The following OR2I1 variants were observed in gnomAD, a reference collection of about 807,000 sequenced individuals.
OR2I1 encodes the protein putative olfactory receptor 2I1.
chr6:29,555,587 A>G, the OR2I1 span: 1 of 415,234 alleles, frequency 2.4e-6, no homozygotes. Flanking sequence ...ATAACAAGGT[A>G]TCAAGACAGA....
chr6:29,554,193 A>G, the OR2I1 span: 4 of 398,678 alleles, frequency 1.0e-5, no homozygotes, highest in Non-Finnish European at 1.8e-5. Flanking sequence ...GAAAGTATTA[A>G]GCCAGAACCC....
At chr6:29,554,077 C>T in the OR2I1 span, 1 of 397,290 alleles carries the variant, frequency 2.5e-6, no homozygotes, top group South Asian at 1.3e-4. Context: ...TGCTCTCAAC[C>T]CGCTCATCTA....
the OR2I1 span, chr6:29,550,946 T>C: frequency 6.6e-6 from 1 of 152,194 alleles, no homozygotes; most frequent in Non-Finnish European, 1.5e-5. Context: ...GATGACACAT[T>C]ATATTATATA....
At chr6:29,550,693 T>C in the OR2I1 span, 2 of 152,164 alleles carry the variant, frequency 1.3e-5, no homozygotes, top group Non-Finnish European at 2.9e-5. Flanking sequence ...CTGGCTCTGA[T>C]CCCAGGCATC....
At chr6:29,556,117 C>T in the OR2I1 span, 379 of 1,613,144 alleles carry the variant, frequency 2.3e-4, 1 homozygote, top group South Asian at 3.8e-3. Flanking sequence ...ACAAGGGCAG[C>T]TCCTCATCAC....
the OR2I1 span, chr6:29,555,900 A>G: frequency 6.2e-7 from 1 of 1,613,020 alleles, no homozygotes; most frequent in Non-Finnish European, 8.5e-7. Context: ...ATACAATAAC[A>G]TGCCAGGAAG....
At chr6:29,555,683 T>A in the OR2I1 span, 3 of 574,938 alleles carry the variant, frequency 5.2e-6, no homozygotes, top group Non-Finnish European at 9.2e-6. Flanking sequence ...AAAAATCATG[T>A]CACTTAATTA....
the OR2I1 span, chr6:29,556,197 T>C: frequency 6.2e-7 from 1 of 1,613,080 alleles, no homozygotes; most frequent in African/African-American, 1.3e-5. Context: ...GAGAGGCTTC[T>C]CCGTGGCTTT....
chr6:29,554,811 C>T, the OR2I1 span: 23,919 of 152,008 alleles, frequency 0.16, 4,383 homozygotes, highest in African/African-American at 0.44. Context: ...GAAAAAAACT[C>T]ACAGGTGATC....
the OR2I1 span, among the ~76,000 whole-genome samples, chr6:29,552,002 T>G: frequency 6.6e-6 from 1 of 152,232 alleles, no homozygotes; most frequent in Non-Finnish European, 1.5e-5. Context: ...GAATATGATG[T>G]GAAAAATAAG....
At chr6:29,556,428 C>A in the OR2I1 span, 1 of 1,044,722 alleles carries the variant, frequency 9.6e-7, no homozygotes, top group Non-Finnish European at 1.4e-6. Flanking sequence ...ACAATGGCTC[C>A]CCCTCTTCCA....
chr6:29,555,963 G>GTCT, the OR2I1 span: 3 of 1,613,050 alleles, frequency 1.9e-6, no homozygotes, highest in Non-Finnish European at 2.5e-6. Flanking sequence ...CCATCTTCCA[G>GTCT]TCTCTTTCCA....
the OR2I1 span, chr6:29,555,720 A>G: frequency 1.7e-6 from 1 of 601,742 alleles, no homozygotes; most frequent in Non-Finnish European, 2.9e-6. Context: ...AGAAACATAG[A>G]GTTGGGCAAT....
At chr6:29,552,725 A>G in the OR2I1 span, 3 of 152,502 alleles carry the variant, frequency 2.0e-5, no homozygotes, top group African/African-American at 7.2e-5. Flanking sequence ...GGTCTATCCC[A>G]TGAGGAAGTC....
the OR2I1 span, chr6:29,553,621 G>T: frequency 1.8e-5 from 7 of 398,278 alleles, no homozygotes; most frequent in Non-Finnish European, 3.1e-5. Flanking sequence ...TGCGGGGCTC[G>T]TCTCCCCGCG....
chr6:29,553,620 C>T, the OR2I1 span: 3 of 398,350 alleles, frequency 7.5e-6, no homozygotes. Flanking sequence ...ATGCGGGGCT[C>T]GTCTCCCCGC....
At chr6:29,554,717 C>T in the OR2I1 span, 1 of 152,110 alleles carries the variant, frequency 6.6e-6, no homozygotes, top group Non-Finnish European at 1.5e-5. Context: ...GGAAACCCCC[C>T]TGCAGGAGTT....
chr6:29,554,520 C>A, the OR2I1 span: 1 of 176,946 alleles, frequency 5.7e-6, no homozygotes. Flanking sequence ...ACAAGAAAAT[C>A]ATAGTCCCTA....
At chr6:29,555,531 C>A in the OR2I1 span, 1 of 253,450 alleles carries the variant, frequency 3.9e-6, no homozygotes, top group Non-Finnish European at 7.5e-6. Context: ...CAACCTAAAA[C>A]TTACTCTCTT....
Sources: allele counts gnomAD v4.1 joint callset (sites outside exome capture counted in the v4.1 genomes callset), GRCh38; gene constraint gnomAD v4.1.1; transcripts MANE v1.5; gene names NCBI Gene and HGNC (gene_info 2026-07-23, HGNC 2026-07-21).